PLEKHO2: variants seen among roughly 807,000 people sequenced by gnomAD.
PLEKHO2 encodes the protein pleckstrin homology domain containing O2.
In PLEKHO2, 20 loss-of-function variants were observed where a neutral mutation model predicts 32.7. The ratio of observed to expected loss-of-function variants is 0.61; its 90% CI spans 0.43 to 0.89. The LOEUF (loss-of-function observed/expected upper bound fraction) is 0.89. Among genes scored for constraint, PLEKHO2 ranks in the 40% least tolerant of loss-of-function variants. The pLI is 0.00. For missense variants in PLEKHO2, 568 were observed against 621.2 expected, an observed-to-expected ratio of 0.91 and a Z score of 0.91; for synonymous variants, 247 against 246.3, an observed-to-expected ratio of 1.00 and a Z score of -0.03.
chr15:64,864,840 A>G (rs2084669370), intron 5 of PLEKHO2, 59 bp from the exon 6 acceptor site: 1 of 1,519,258 alleles, frequency 6.6e-7, no homozygotes, highest in East Asian at 2.3e-5. Context: ...GTCAGTGGGC[A>G]CACCTGACCC....
chr15:64,865,050 C>G lies in PLEKHO2; in HGVS notation c.635C>G (p.Ala212Gly). 1 of 1,614,128 alleles carries G rather than the reference C, an allele frequency of 6.2e-7. No individual in the cohort carries two copies. The highest frequency in any genetic ancestry group is 8.5e-7 in the Non-Finnish European group (1 of 1,180,022). ...ATGCCTCCTACCAAGCCTTTCCTAG[C>G]ACCTGAGACCACCAGCCCTGGTGAC... ...PLMPPTKPFL[A>G]PETTSPGDRV... is the part of the protein sequence containing the mutation. Residue 212 changes from alanine to glycine, a missense_variant, in exon 6 of 6, where the codon GCA (alanine) becomes GGA (glycine). By Grantham distance (60) the Ala-to-Gly change is moderately conservative (BLOSUM62 0). Transcript: ENST00000323544.
chr15:64,859,957 A>G lies in PLEKHO2; in HGVS notation c.343A>G (p.Asn115Asp), dbSNP rs747657878. 1 of 1,614,220 alleles carries G rather than the reference A, an allele frequency of 6.2e-7. No individual in the cohort carries two copies. The highest frequency in any genetic ancestry group is 8.5e-7 in the Non-Finnish European group (1 of 1,180,042). ...EEKESWIKAL[N>D]EGINRGKNKA... is the part of the protein sequence containing the mutation. Reference sequence around the variant, plus strand: ...GAAGGAATCCTGGATCAAAGCCCTCAATGAAGGGATTAACCGAGGCAAAAA... The same window carrying G: ...GAAGGAATCCTGGATCAAAGCCCTCGATGAAGGGATTAACCGAGGCAAAAA... The change falls in exon 4 of 6, where the codon AAT becomes GAT. Residue 115 changes from asparagine (N) to aspartate (D), a missense_variant. Coordinates refer to ENST00000323544, the MANE Select transcript of PLEKHO2 (RefSeq NM_025201.5).
intron 5 of PLEKHO2, 66 bp downstream of exon 5, chr15:64,861,641 C>A: frequency 7.3e-7 from 1 of 1,361,902 alleles, no homozygotes. Context: ...CTCTGGGCGG[C>A]AGCCAGGCTT....
chr15:64,849,756 A>T (rs1373956470), intron 2 of PLEKHO2, among the ~76,000 whole-genome samples: 1 of 147,972 alleles, frequency 6.8e-6, no homozygotes, highest in African/African-American at 2.5e-5. Context: ...AGTTCTTTGA[A>T]CTGTATGTGC....
chr15:64,854,831 G>C, intron 2 of PLEKHO2, 90 bp from the exon 3 acceptor site: 1 of 998,580 alleles, frequency 1.0e-6, no homozygotes. Flanking sequence ...TGTCCTCGCT[G>C]AGTGGGATCA....
chr15:64,856,570 T>A (rs1308901500), intron 3 of PLEKHO2, among the ~76,000 whole-genome samples: 6 of 152,188 alleles, frequency 3.9e-5, no homozygotes, highest in Middle Eastern at 3.2e-3. Flanking sequence ...TGTGCAGCTG[T>A]GTTCTCAGCT....
chr15:64,850,015 C>G (rs2084555144), intron 2 of PLEKHO2, among the ~76,000 whole-genome samples: 1 of 151,610 alleles, frequency 6.6e-6, no homozygotes, highest in Non-Finnish European at 1.5e-5. Context: ...ACAAAATTAG[C>G]CGGGTGTAGT....
chr15:64,842,850 C>T (rs1197625484), intron 1 of PLEKHO2, among the ~76,000 whole-genome samples: 3 of 152,222 alleles, frequency 2.0e-5, no homozygotes, highest in Non-Finnish European at 4.4e-5. Flanking sequence ...GCCGCTTTAT[C>T]CGAGGGTCCA....
chr15:64,858,421 G>A (rs1359616489), intron 3 of PLEKHO2, among the ~76,000 whole-genome samples: 1 of 152,172 alleles, frequency 6.6e-6, no homozygotes, highest in Non-Finnish European at 1.5e-5. Context: ...GCAAGCTGGC[G>A]ACCGCCAACA....
chr15:64,861,433 C>T, intron 4 of PLEKHO2, 44 bp from the exon 5 acceptor site: 1 of 1,491,820 alleles, frequency 6.7e-7, no homozygotes, highest in Non-Finnish European at 9.1e-7. Flanking sequence ...TTCCCACACT[C>T]CCCAAGGCTT....
chr15:64,850,512 C>T (rs2084559490), intron 2 of PLEKHO2, among the ~76,000 whole-genome samples: 1 of 152,228 alleles, frequency 6.6e-6, no homozygotes, highest in Admixed American at 6.5e-5. Flanking sequence ...AGTGTCATCA[C>T]CTGTCAGACC....
intron 3 of PLEKHO2, among the ~76,000 whole-genome samples, chr15:64,858,850 G>A (rs1243283736): frequency 2.0e-4 from 30 of 152,092 alleles, no homozygotes; most frequent in Non-Finnish European, 5.9e-5. Flanking sequence ...GTGTTGTACA[G>A]CTATCACCAC....
rs1002035689 is a variant in PLEKHO2 at position 64,865,962 on chromosome 15, T to A, written c.*74T>A. ...ATCAAGGCCCAGCCCTGCTGAGAAATGTGCTTCTGCTTCTACAGCAATGGC... is the reference window on the plus strand; with the variant it reads ...ATCAAGGCCCAGCCCTGCTGAGAAAAGTGCTTCTGCTTCTACAGCAATGGC... On this transcript the variant is annotated 3_prime_UTR_variant, in exon 6 of 6. Coordinates refer to ENST00000323544, the MANE Select transcript of PLEKHO2 (RefSeq NM_025201.5). 6.6e-7 allele frequency: 1 copy of A among 1,507,010 alleles called. No homozygotes were observed. The highest frequency in any genetic ancestry group is 2.0e-5 in the Admixed American group (1 of 48,790). The allele number at this position is 1,507,010 out of a possible 1,614,324, so 93.4% of individuals were successfully genotyped here. A position where few individuals can be genotyped will look rare whatever the true frequency, so the allele number is the denominator to read the frequency against.
intron 3 of PLEKHO2, among the ~76,000 whole-genome samples, chr15:64,855,943 T>C (rs1359094350): frequency 6.7e-6 from 1 of 149,658 alleles, no homozygotes; most frequent in Non-Finnish European, 1.5e-5. Context: ...CTGCAGACCC[T>C]GAAGACCACA....
intron 2 of PLEKHO2, among the ~76,000 whole-genome samples, chr15:64,853,436 C>T (rs1430021070): frequency 2.0e-5 from 3 of 151,618 alleles, no homozygotes; most frequent in South Asian, 4.2e-4. Context: ...GCCACCACGC[C>T]CGGCTAACTG....
chr15:64,855,398 G>A (rs1228546639), intron 3 of PLEKHO2, among the ~76,000 whole-genome samples: 1 of 152,196 alleles, frequency 6.6e-6, no homozygotes, highest in Non-Finnish European at 1.5e-5. Context: ...CAGGAGAGCT[G>A]TGGTTGAGGC....
Position 64,859,988 on chromosome 15 carries a change from C to G in PLEKHO2, c.374C>G (p.Ala125Gly). 6.2e-7 allele frequency: 1 copy of G among 1,614,060 alleles called. No homozygotes were observed. The highest frequency in any genetic ancestry group is 8.5e-7 in the Non-Finnish European group (1 of 1,179,896). Reference sequence around the variant, plus strand: ...GGGATTAACCGAGGCAAAAACAAGGCTTTCGATGAGGTGCGATGCAGTCTG... The same window carrying G: ...GGGATTAACCGAGGCAAAAACAAGGGTTTCGATGAGGTGCGATGCAGTCTG... ...NEGINRGKNK[A>G]FDEVKVDKSC... is the part of the protein sequence containing the mutation. Residue 125 changes from alanine (A) to glycine (G), a missense_variant, in exon 4 of 6, where the codon GCT (alanine) becomes GGT (glycine). Ala to Gly is a moderately conservative substitution (Grantham distance 60, BLOSUM62 0). Transcript: ENST00000323544.
At position 64,855,362 on chromosome 15, in the gene PLEKHO2, A is replaced by G. The variant is rs62014262; in HGVS notation, c.279+325A>G. Among the ~76,000 whole-genome samples the G allele has an allele frequency of 6.2e-3, 936 of 151,786 alleles. 3 individuals are homozygous for G. Among genetic ancestry groups the G allele is most frequent in the Non-Finnish European group, 8.7e-3 (590 of 67,886 alleles). ...GGTGGGGCACTTGGCTGTACCCCAG[A>G]CCCTGGGGGAGGCCCAGGGCTGAGG... On this transcript the variant is annotated intron_variant, in intron 3 of 5. Transcript: ENST00000323544.
intron 2 of PLEKHO2, among the ~76,000 whole-genome samples, chr15:64,854,387 C>T (rs1291715366): frequency 3.3e-5 from 5 of 152,172 alleles, no homozygotes; most frequent in South Asian, 2.1e-4. Context: ...GCCAGGGCTC[C>T]GCAGGGGGTG....
Sources: allele counts gnomAD v4.1 joint callset (sites outside exome capture counted in the v4.1 genomes callset), GRCh38; gene constraint gnomAD v4.1.1; transcripts MANE v1.5; gene names NCBI Gene and HGNC (gene_info 2026-07-23, HGNC 2026-07-21).